CYP2C8: variants seen among roughly 807,000 people sequenced by gnomAD.
CYP2C8 encodes the protein cytochrome P450 2C8.
CYP2C8 carries 51 observed loss-of-function variants against 41.3 expected under a neutral mutation model. The observed-to-expected ratio is 1.24, with a 90% CI of 0.99 to 1.56. CYP2C8 has a LOEUF of 1.56. Among genes scored for constraint, CYP2C8 ranks in the 40% most tolerant of loss-of-function variants. The pLI is 0.00. For synonymous variants in CYP2C8, 218 were observed against 205.8 expected (o/e 1.06, Z -0.51); for missense variants, 651 against 579.9 (o/e 1.12, Z -1.26).
chr10:95,044,537 C>A (rs1397697424), intron 6 of CYP2C8, among the ~76,000 whole-genome samples: 1 of 152,112 alleles, frequency 6.6e-6, no homozygotes, highest in Non-Finnish European at 1.5e-5. Flanking sequence ...GAGTATCTAG[C>A]TGGCTGCTGA....
chr10:95,059,353 G>C lies in CYP2C8; in HGVS notation c.643-842C>G, dbSNP rs2033376334. ...TTGCCATTCTAACTGGTGTGAAATG[G>C]TATCTCATTGTGGTTTTGATTTGCA... is the stretch of plus-strand genomic sequence containing the variant. On this transcript the variant is annotated intron_variant, in intron 4 of 8. Coordinates refer to ENST00000371270, the MANE Select transcript of CYP2C8 (RefSeq NM_000770.3). Among the ~76,000 whole-genome samples the C allele has an allele frequency of 2.6e-5, 4 of 152,098 alleles. 1 individual carries two copies. The highest frequency in any genetic ancestry group is 7.2e-5 in the African/African-American group (3 of 41,412).
chr10:95,065,767 G>T (rs2033548135), intron 3 of CYP2C8, among the ~76,000 whole-genome samples: 1 of 152,130 alleles, frequency 6.6e-6, no homozygotes, highest in Non-Finnish European at 1.5e-5. Context: ...AGATAAGTAT[G>T]TTTTAATAAA....
In CYP2C8 at chr10:95,036,823, G is replaced by T; in HGVS notation, c.*305C>A. ...ATTTAGCACATTCACAAAAGAAATGGATCTAAATTATCATTCATTAATCAC... is the reference window on the plus strand; with the variant it reads ...ATTTAGCACATTCACAAAAGAAATGTATCTAAATTATCATTCATTAATCAC... On this transcript the variant is annotated 3_prime_UTR_variant, in exon 9 of 9. Coordinates refer to ENST00000371270, the MANE Select transcript of CYP2C8 (RefSeq NM_000770.3). 1 of 373,414 alleles carries T rather than the reference G, an allele frequency of 2.7e-6. No homozygotes were observed. The highest frequency in any genetic ancestry group is 5.0e-6 in the Non-Finnish European group (1 of 199,652). 23.1% of individuals were successfully genotyped at this position (373,414 alleles called of 1,614,324 possible).
intron 4 of CYP2C8, among the ~76,000 whole-genome samples, 184 bp from the exon 5 acceptor site, chr10:95,058,695 C>G (rs1039166895): frequency 1.3e-5 from 2 of 152,162 alleles, no homozygotes; most frequent in Non-Finnish European, 2.9e-5. Context: ...GCACAAAGTG[C>G]AGGTTTGTCA....
At chr10:95,037,380 G>GCAAGTC in intron 8 of CYP2C8, 71 bp from the exon 9 acceptor site, 3 of 1,362,944 alleles carry the variant, frequency 2.2e-6, no homozygotes, top group Non-Finnish European at 2.1e-6. Context: ...AGTCATTTGT[G>GCAAGTC]ACTTGCACAA....
chr10:95,046,748 T>TAA (rs56702266), intron 5 of CYP2C8, among the ~76,000 whole-genome samples: 3,072 of 128,888 alleles, frequency 0.024, 56 homozygotes, highest in African/African-American at 0.059. Context: ...CTAAATATGG[T>TAA]AAAAAAAAAA....
chr10:95,069,169 G>T, intron 1 of CYP2C8, 66 bp downstream of exon 1: 1 of 1,543,420 alleles, frequency 6.5e-7, no homozygotes, highest in South Asian at 1.1e-5. Context: ...AATATATTTT[G>T]TCTAAAAATA....
chr10:95,064,676 C>A, intron 4 of CYP2C8, 124 bp downstream of exon 4: 3 of 942,252 alleles, frequency 3.2e-6, no homozygotes, highest in South Asian at 3.2e-5. Context: ...TAATTATTTT[C>A]TTCACTCATA....
In CYP2C8 at chr10:95,067,623, T is replaced by G; in HGVS notation, c.237A>C (p.Gly79=). The part of the protein sequence containing the change: ...FGMNPIVVFH[G]YEAVKEALID... Reference sequence around the variant, plus strand: ...TCAGGGCTTCCTTCACTGCCTCATATCCATGAAACACCACTATGGGATTCA... The same window carrying G: ...TCAGGGCTTCCTTCACTGCCTCATAGCCATGAAACACCACTATGGGATTCA... The change falls in exon 2 of 9, where the codon GGA becomes GGC. Residue 79 remains glycine (G), a synonymous_variant. Coordinates refer to ENST00000371270, the MANE Select transcript of CYP2C8 (RefSeq NM_000770.3). 1 of 1,614,148 alleles carries G rather than the reference T, an allele frequency of 6.2e-7. No individual in the cohort carries two copies. Among genetic ancestry groups the G allele is most frequent in the South Asian group, 1.1e-5 (1 of 91,090 alleles).
At chr10:95,051,026 C>T (rs920386205) in intron 5 of CYP2C8, among the ~76,000 whole-genome samples, 1 of 152,106 alleles carries the variant, frequency 6.6e-6, no homozygotes, top group Non-Finnish European at 1.5e-5. Flanking sequence ...CCTGGAGAAA[C>T]AGAGATGTGT....
chr10:95,048,449 G>A (rs1263961287), intron 5 of CYP2C8, among the ~76,000 whole-genome samples: 3 of 152,174 alleles, frequency 2.0e-5, no homozygotes, highest in Non-Finnish European at 4.4e-5. Context: ...GAGGTGGCAA[G>A]AGAGTGACAT....
At chr10:95,050,799 G>T (rs933188236) in intron 5 of CYP2C8, among the ~76,000 whole-genome samples, 1 of 152,100 alleles carries the variant, frequency 6.6e-6, no homozygotes, top group Non-Finnish European at 1.5e-5. Flanking sequence ...CACTGCTGGT[G>T]CAGTATTCTA....
At chr10:95,040,039 A>C (rs1350793340) in intron 7 of CYP2C8, among the ~76,000 whole-genome samples, 1 of 152,194 alleles carries the variant, frequency 6.6e-6, no homozygotes, top group Non-Finnish European at 1.5e-5. Context: ...GGAGGTGAAA[A>C]GGTCAACATA....
chr10:95,064,915 T>G lies in CYP2C8; in HGVS notation c.527A>C (p.Asn176Thr), dbSNP rs774652922. 1.1e-5 allele frequency: 17 copies of G among 1,612,962 alleles called. No individual in the cohort carries two copies. The Admixed American group carries it at 2.7e-4, about 25-fold the overall frequency. The change falls in exon 4 of 9, where the codon AAT becomes ACT. Residue 176 changes from asparagine (N) to threonine (T), a missense_variant. Transcript: ENST00000371270. The stretch of plus-strand genomic sequence containing the variant: ...CTGGAAAACAACGGAGCAGATCACA[T>G]TGCAGGGAGCACAGCCCAGGATGAA... Reference protein sequence around the residue: ...PTFILGCAPCNVICSVVFQKR... With the variant: ...PTFILGCAPCTVICSVVFQKR...
In CYP2C8 at chr10:95,058,418, C is replaced by T; in HGVS notation, c.736G>A (p.Glu246Lys). The stretch of plus-strand genomic sequence containing the variant: ...GATGCTTGGTGTTCTTTTACTTTCT[C>T]CCTAATGTAACTTCGTGTAAGAGCA... Reference protein sequence around the residue: ...NVALTRSYIREKVKEHQASLD... With the variant: ...NVALTRSYIRKKVKEHQASLD... Residue 246 changes from glutamate (E) to lysine (K), a missense_variant, in exon 5 of 9, where the codon GAG becomes AAG. By Grantham distance (56) the Glu-to-Lys change is moderately conservative. Transcript: ENST00000371270. The T allele has an allele frequency of 6.2e-7, 1 of 1,613,496 alleles. No homozygotes were observed. The highest frequency in any genetic ancestry group is 8.5e-7 in the Non-Finnish European group (1 of 1,179,696).
At chr10:95,060,908 GT>G (rs1351098754) in intron 4 of CYP2C8, among the ~76,000 whole-genome samples, 2 of 152,154 alleles carry the variant, frequency 1.3e-5, no homozygotes, top group Admixed American at 6.5e-5. Context: ...TAATCATGTG[GT>G]TTTTGTCTTG....
chr10:95,067,539 A>T lies in CYP2C8; in HGVS notation c.321T>A (p.Thr107=), dbSNP rs750338178. 1.9e-6 allele frequency: 3 copies of T among 1,614,142 alleles called. No homozygotes were observed. In the Admixed American group the frequency reaches 5.0e-5, roughly 27 times the overall value. Residue 107 remains threonine, a synonymous_variant, in exon 2 of 9, where the codon ACT becomes ACA. Coordinates refer to ENST00000371270, the MANE Select transcript of CYP2C8 (RefSeq NM_000770.3). ...RGNSPISQRI[T]KGLGIISSNG... ...AATATGTGCACCTACCAAGTCCTTT[A>T]GTAATTCTTTGAGATATTGGGGAAT... is the stretch of plus-strand genomic sequence containing the variant.
chr10:95,068,277 C>T (rs1057394533), intron 1 of CYP2C8, among the ~76,000 whole-genome samples: 2 of 152,156 alleles, frequency 1.3e-5, no homozygotes, highest in Non-Finnish European at 2.9e-5. Flanking sequence ...CAATATGGAA[C>T]GATGAAGCAC....
intron 4 of CYP2C8, among the ~76,000 whole-genome samples, chr10:95,064,503 C>A (rs11572094): frequency 0.08 from 12,149 of 152,150 alleles, 614 homozygotes; most frequent in Middle Eastern, 0.16. Flanking sequence ...GTGGGAGTGA[C>A]CCAATTTTCC....
Sources: allele counts gnomAD v4.1 joint callset (sites outside exome capture counted in the v4.1 genomes callset), GRCh38; gene constraint gnomAD v4.1.1; transcripts MANE v1.5; gene names NCBI Gene and HGNC (gene_info 2026-07-23, HGNC 2026-07-21).